The following ABCG2 variants were observed in gnomAD, a reference collection of about 807,000 sequenced individuals.
The protein encoded by ABCG2 is ATP binding cassette subfamily G member 2 (JR blood group).
A neutral mutation model predicts 73.5 loss-of-function variants in ABCG2; 80 were observed. The ratio of observed to expected loss-of-function variants is 1.09; its 90% CI spans 0.91 to 1.31. The LOEUF (loss-of-function observed/expected upper bound fraction) is 1.31, where lower values mean the gene tolerates loss of function less well. Among genes scored for constraint, ABCG2 ranks in the 50% most tolerant of loss-of-function variants. The pLI is 0.00. For synonymous variants in ABCG2, 269 were observed against 282.4 expected (o/e 0.95, Z 0.48); for missense variants, 796 against 786.2 (o/e 1.01, Z -0.15).
chr4:88,190,500 C>T (rs1728643611), intron 1 of ABCG2, among the ~76,000 whole-genome samples: 1 of 152,156 alleles, frequency 6.6e-6, no homozygotes, highest in Non-Finnish European at 1.5e-5. Context: ...CTTCCAATTC[C>T]ACCAGTGCAC....
chr4:88,121,273 A>C (rs111610325), intron 6 of ABCG2, among the ~76,000 whole-genome samples: 3 of 152,332 alleles, frequency 2.0e-5, no homozygotes, highest in African/African-American at 7.2e-5. Context: ...AGGTGGAAGA[A>C]TAAGATGAAA....
chr4:88,189,315 A>G (rs1257287438), intron 1 of ABCG2, among the ~76,000 whole-genome samples: 2 of 151,968 alleles, frequency 1.3e-5, no homozygotes, highest in Non-Finnish European at 2.9e-5. Flanking sequence ...AGAGCTTGAG[A>G]CCAGTCTGGG....
chr4:88,181,143 T>C (rs1251414893), intron 1 of ABCG2, among the ~76,000 whole-genome samples: 1 of 152,068 alleles, frequency 6.6e-6, no homozygotes, highest in Non-Finnish European at 1.5e-5. Flanking sequence ...GGCTCACGCC[T>C]GTAATCCCAG....
intron 1 of ABCG2, among the ~76,000 whole-genome samples, chr4:88,144,908 G>A (rs1048526181): frequency 2.6e-5 from 4 of 151,556 alleles, no homozygotes; most frequent in Non-Finnish European, 4.4e-5. Context: ...CTTTACAATT[G>A]GAAAGCTCAA....
At chr4:88,182,667 G>T (rs931082890) in intron 1 of ABCG2, among the ~76,000 whole-genome samples, 10 of 152,126 alleles carry the variant, frequency 6.6e-5, no homozygotes, top group Non-Finnish European at 5.9e-5. Flanking sequence ...GGTCAATGAA[G>T]AAACTAGTAA....
intron 1 of ABCG2, among the ~76,000 whole-genome samples, chr4:88,154,453 T>C (rs1726778614): frequency 6.6e-6 from 1 of 152,192 alleles, no homozygotes; most frequent in Non-Finnish European, 1.5e-5. Context: ...CTTCAGGCAA[T>C]GAGTTCGGCT....
At chr4:88,135,558 C>T (rs535621299) in intron 2 of ABCG2, among the ~76,000 whole-genome samples, 3 of 146,282 alleles carry the variant, frequency 2.1e-5, no homozygotes, top group East Asian at 2.2e-4. Flanking sequence ...TCAATCACCA[C>T]GCCCGGGCCC....
rs1417530634 is a variant in ABCG2, at chr4:88,195,779, T to C, written c.-20+35215A>G. Among the ~76,000 whole-genome samples, 8 of 152,190 alleles carry C rather than the reference T, an allele frequency of 5.3e-5. No individual in the cohort carries two copies. In the East Asian group the frequency reaches 7.7e-4, roughly 15 times the overall value. ...CTGATTCTTCCCTTGGGCTGGGCTGTCTGCATGCACAGTGGCCTGTCAGCA... is the reference window on the plus strand; with the variant it reads ...CTGATTCTTCCCTTGGGCTGGGCTGCCTGCATGCACAGTGGCCTGTCAGCA... On this transcript the variant is annotated intron_variant, in intron 1 of 15. Transcript: ENST00000515655.
intron 9 of ABCG2, among the ~76,000 whole-genome samples, chr4:88,109,883 C>CCACA (rs1323736329): frequency 6.6e-6 from 1 of 152,052 alleles, no homozygotes; most frequent in Non-Finnish European, 1.5e-5. Flanking sequence ...AAGCTATAGC[C>CCACA]CACAGGTCAA....
chr4:88,182,519 A>G (rs1044876446), intron 1 of ABCG2, among the ~76,000 whole-genome samples: 4 of 152,224 alleles, frequency 2.6e-5, no homozygotes, highest in African/African-American at 7.2e-5. Context: ...AGTCTTTAAA[A>G]ATTCAAAAAA....
At chr4:88,135,270 G>A (rs1289720474) in intron 2 of ABCG2, among the ~76,000 whole-genome samples, 2 of 151,970 alleles carry the variant, frequency 1.3e-5, no homozygotes, top group Admixed American at 6.6e-5. Flanking sequence ...GCAGGTCAGT[G>A]TCCCTCACTA....
chr4:88,110,435 C>T (rs1271043104), intron 9 of ABCG2, among the ~76,000 whole-genome samples: 1 of 151,896 alleles, frequency 6.6e-6, no homozygotes, highest in Non-Finnish European at 1.5e-5. Context: ...CCCAGCTACT[C>T]GGGAGGCTGA....
At chr4:88,148,531 G>T (rs1375686827) in intron 1 of ABCG2, among the ~76,000 whole-genome samples, 2 of 152,090 alleles carry the variant, frequency 1.3e-5, no homozygotes, top group African/African-American at 4.8e-5. Flanking sequence ...CTGACTGCAA[G>T]GTCCCAGCTC....
chr4:88,201,720 A>G (rs552995440), intron 1 of ABCG2: 2 of 152,220 alleles, frequency 1.3e-5, no homozygotes, highest in Non-Finnish European at 2.9e-5. Flanking sequence ...CTTTGAGAGC[A>G]CATATACTAA....
chr4:88,222,126 C>T (rs916695093), intron 1 of ABCG2, among the ~76,000 whole-genome samples: 2 of 152,220 alleles, frequency 1.3e-5, no homozygotes, highest in South Asian at 4.1e-4. Flanking sequence ...ATAGCTCAGG[C>T]CATTGCCTCA....
At chr4:88,191,300 T>G (rs529310092) in intron 1 of ABCG2, among the ~76,000 whole-genome samples, 1 of 149,986 alleles carries the variant, frequency 6.7e-6, no homozygotes, top group Admixed American at 6.6e-5. Context: ...GGGCAAAAAT[T>G]TACAAAGACA....
chr4:88,099,240 CA>C (rs1330440743), intron 12 of ABCG2, 83 bp downstream of exon 12: 1 of 1,357,420 alleles, frequency 7.4e-7, no homozygotes, highest in South Asian at 1.9e-5. Flanking sequence ...TTTTGAGAAC[CA>C]AAAATATGCT....
intron 1 of ABCG2, among the ~76,000 whole-genome samples, chr4:88,145,827 C>A (rs1447441320): frequency 1.7e-5 from 2 of 114,428 alleles, no homozygotes; most frequent in African/African-American, 5.6e-5. Flanking sequence ...TTGATCCCAG[C>A]TACTCGGGAC....
chr4:88,101,286 C>T lies in ABCG2; in HGVS notation c.1311G>A (p.Gln437=). Residue 437 remains glutamine (Q), a synonymous_variant, in exon 11 of 16, where the codon CAG becomes CAA. Coordinates refer to ENST00000237612, the MANE Select transcript of ABCG2 (RefSeq NM_004827.3). ...CCACGGCTGAAACACTGCTGAAACA[C>T]TGGTTGGTCGTCAGGAAGAAGAGAA... ...AGVLFFLTTN[Q]CFSSVSAVEL... 3 of 1,614,172 alleles carry T rather than the reference C, an allele frequency of 1.9e-6. No homozygotes were observed. The highest frequency in any genetic ancestry group is 1.1e-5 in the South Asian group (1 of 91,080).
Sources: gnomAD v4.1 joint callset for allele counts (sites outside exome capture counted in the v4.1 genomes callset) on GRCh38, gnomAD v4.1.1 for gene constraint, MANE v1.5 for transcripts, NCBI Gene and HGNC (gene_info 2026-07-23, HGNC 2026-07-21) for gene names.